ADAMTSL1: variants seen among roughly 807,000 people sequenced by gnomAD.
The protein encoded by ADAMTSL1 is ADAMTS like 1, also known as ADAMTS-like protein 1.
ADAMTSL1 carries 126 observed loss-of-function variants against 201.8 expected under a neutral mutation model. That is an observed-to-expected ratio of 0.62 (90% CI 0.54 to 0.72). The LOEUF (loss-of-function observed/expected upper bound fraction) is 0.72, where lower values mean the gene tolerates loss of function less well. ADAMTSL1 is among the 30% of genes least tolerant of loss of function. The pLI is 0.00. For missense variants in ADAMTSL1, 2,679 were observed against 2,277.8 expected (o/e 1.18, Z -3.59); for synonymous variants, 1,121 against 903.4 (o/e 1.24, Z -4.32).
chr9:18,281,296 C>T, intron 2 of ADAMTSL1, among the ~76,000 whole-genome samples: 1 of 152,138 alleles, frequency 6.6e-6, no homozygotes, highest in African/African-American at 2.4e-5. Flanking sequence ...TATATTTACA[C>T]TCACCAGACT....
intron 23 of ADAMTSL1, among the ~76,000 whole-genome samples, chr9:18,833,646 G>A (rs1034800457): frequency 6.6e-6 from 1 of 152,086 alleles, no homozygotes. Context: ...TCTGTAGGTT[G>A]TGTTTCCTCT....
At chr9:18,409,785 A>T (rs2791451) in intron 2 of ADAMTSL1, among the ~76,000 whole-genome samples, 3 of 149,718 alleles carry the variant, frequency 2.0e-5, no homozygotes, top group East Asian at 4.0e-4. Context: ...ACATGTTATG[A>T]CTCTCTAGAA....
chr9:18,337,589 C>T (rs1208717520), intron 2 of ADAMTSL1, among the ~76,000 whole-genome samples: 1 of 152,120 alleles, frequency 6.6e-6, no homozygotes, highest in African/African-American at 2.4e-5. Flanking sequence ...CCCAGGGTCA[C>T]ACTGCTAGTA....
chr9:18,313,525 G>T (rs1448815287), intron 2 of ADAMTSL1, among the ~76,000 whole-genome samples: 2 of 152,180 alleles, frequency 1.3e-5, no homozygotes, highest in East Asian at 3.9e-4. Context: ...TTGGTCAAAT[G>T]AAGCCTGGCA....
intron 3 of ADAMTSL1, among the ~76,000 whole-genome samples, chr9:18,543,323 A>G (rs1758644963): frequency 6.7e-6 from 1 of 150,338 alleles, no homozygotes; most frequent in African/African-American, 2.5e-5. Context: ...AAAAAATCCT[A>G]ATTTCTCTGA....
At chr9:18,050,487 A>G (rs1339806235) in intron 1 of ADAMTSL1, among the ~76,000 whole-genome samples, 1 of 152,224 alleles carries the variant, frequency 6.6e-6, no homozygotes, top group Non-Finnish European at 1.5e-5. Context: ...TCAGATGCCA[A>G]ATCTCTAAAT....
At chr9:18,181,479 T>C (rs373323680) in intron 2 of ADAMTSL1, among the ~76,000 whole-genome samples, 10 of 151,648 alleles carry the variant, frequency 6.6e-5, no homozygotes, top group Non-Finnish European at 1.2e-4. Flanking sequence ...GGGCGAAGGA[T>C]ATGAACAGAC....
Position 18,728,592 on chromosome 9 carries a change from T to C in ADAMTSL1, c.2006+6927T>C, listed in dbSNP as rs886455826. On this transcript the variant is annotated intron_variant, in intron 15 of 28. Coordinates refer to ENST00000380548, the MANE Select transcript of ADAMTSL1 (RefSeq NM_001040272.6). ...TTAATAGATGAAGAAGATTTAAAAA[T>C]AGTAACTTTATGAATAGGGCAAGCA... 2.6e-5 allele frequency among the ~76,000 whole-genome samples: 4 copies of C among 152,114 alleles called. No individual in the cohort carries two copies. The South Asian group carries it at 8.3e-4, about 32-fold the overall frequency.
chr9:18,405,101 T>C (rs1302474550), intron 2 of ADAMTSL1, among the ~76,000 whole-genome samples: 3 of 152,190 alleles, frequency 2.0e-5, no homozygotes, highest in African/African-American at 7.2e-5. Context: ...CCTCATGATG[T>C]AAGAGTTGAG....
At chr9:18,182,451 A>T (rs948112267) in intron 2 of ADAMTSL1, among the ~76,000 whole-genome samples, 11 of 152,122 alleles carry the variant, frequency 7.2e-5, no homozygotes, top group African/African-American at 2.4e-4. Context: ...AGACTCAAAA[A>T]CTTTATTCTC....
intron 23 of ADAMTSL1, among the ~76,000 whole-genome samples, chr9:18,840,190 TC>T (rs1228251679): frequency 6.6e-6 from 1 of 151,670 alleles, no homozygotes. Context: ...AAGTCTTTAA[TC>T]CATCTTGAAT....
intron 2 of ADAMTSL1, among the ~76,000 whole-genome samples, chr9:18,174,449 G>C (rs1003742989): frequency 1.3e-5 from 2 of 152,142 alleles, no homozygotes; most frequent in Admixed American, 6.5e-5. Context: ...GGAGTGGTCA[G>C]ACAGCCTTCT....
chr9:18,163,379 T>C (rs1411887821), intron 1 of ADAMTSL1, among the ~76,000 whole-genome samples: 3 of 152,054 alleles, frequency 2.0e-5, no homozygotes, highest in Non-Finnish European at 4.4e-5. Context: ...CATCTGGTTC[T>C]AAAGCACTTG....
chr9:18,076,587 G>A (rs1482945189), intron 1 of ADAMTSL1, among the ~76,000 whole-genome samples: 1 of 152,172 alleles, frequency 6.6e-6, no homozygotes, highest in Non-Finnish European at 1.5e-5. Context: ...ACCTGAATGT[G>A]GTTATGAGTG....
At chr9:18,147,992 A>G (rs1826726024) in intron 1 of ADAMTSL1, among the ~76,000 whole-genome samples, 1 of 152,158 alleles carries the variant, frequency 6.6e-6, no homozygotes, top group East Asian at 1.9e-4. Context: ...AAAAGAGACC[A>G]TATTTATTTT....
intron 2 of ADAMTSL1, among the ~76,000 whole-genome samples, chr9:18,332,854 T>A (rs1390736236): frequency 6.6e-6 from 1 of 152,096 alleles, no homozygotes; most frequent in East Asian, 1.9e-4. Flanking sequence ...AAGGTTGGGA[T>A]CCAGACACAC....
chr9:18,531,868 G>A (rs1564023748), intron 2 of ADAMTSL1, among the ~76,000 whole-genome samples: 1 of 152,116 alleles, frequency 6.6e-6, no homozygotes. Flanking sequence ...AAGCCAGATG[G>A]CCTGGTTTCA....
At chr9:18,842,591 C>T (rs1228966750) in intron 23 of ADAMTSL1, among the ~76,000 whole-genome samples, 4 of 152,112 alleles carry the variant, frequency 2.6e-5, no homozygotes, top group African/African-American at 9.7e-5. Flanking sequence ...CCTGGGTATC[C>T]TTATTAACTT....
At chr9:18,360,552 C>T (rs1158502168) in intron 2 of ADAMTSL1, 3 of 152,026 alleles carry the variant, frequency 2.0e-5, no homozygotes, top group Admixed American at 6.6e-5. Context: ...CAAATAGAGG[C>T]AACTGTAAAT....
Sources: allele counts gnomAD v4.1 joint callset (sites outside exome capture counted in the v4.1 genomes callset), GRCh38; gene constraint gnomAD v4.1.1; transcripts MANE v1.5; gene names NCBI Gene and HGNC (gene_info 2026-07-23, HGNC 2026-07-21).